Variants in ZC3H12B observed in about 807,000 individuals in gnomAD.
The protein encoded by ZC3H12B is zinc finger CCCH-type containing 12B.
In ZC3H12B, 7 loss-of-function variants were observed where a neutral mutation model predicts 43.9. That is an observed-to-expected ratio of 0.16 (90% CI 0.09 to 0.30). The LOEUF (loss-of-function observed/expected upper bound fraction) is 0.30. Ranked by LOEUF, ZC3H12B falls within the 10% of genes least tolerant of loss-of-function variation. The pLI is 1.00. For synonymous variants in ZC3H12B, 222 were observed against 241.7 expected (o/e 0.92, Z 0.76); for missense variants, 475 against 670.2 (o/e 0.71, Z 3.22).
chrX:65,077,543 C>T, the ZC3H12B span, among the ~76,000 whole-genome samples: 21 of 111,812 alleles, frequency 1.9e-4, no homozygotes, highest in Non-Finnish European at 3.4e-4. Flanking sequence ...CAGATCAGCT[C>T]ACCTGTTGAT....
At chrX:65,391,701 G>A (rs943127532) in intron 2 of ZC3H12B, among the ~76,000 whole-genome samples, 3 of 111,080 alleles carry the variant, frequency 2.7e-5, no homozygotes, top group African/African-American at 9.8e-5. Flanking sequence ...TGCTGAAAAA[G>A]CATTTGATAA....
chrX:65,361,752 AG>A (rs1156488901), upstream of ZC3H12B, among the ~76,000 whole-genome samples: 1 of 110,817 alleles, frequency 9.0e-6, no homozygotes, highest in Non-Finnish European at 1.9e-5. Flanking sequence ...CATTAAAAAA[AG>A]CTCCAAAAAT....
At chrX:65,283,860 G>T in the ZC3H12B span, among the ~76,000 whole-genome samples, 1 of 111,662 alleles carries the variant, frequency 9.0e-6, no homozygotes, top group Non-Finnish European at 1.9e-5. Context: ...CTACAGCCAG[G>T]GTCAGGAAGT....
chrX:65,495,576 A>G (rs1280396554), intron 1 of ZC3H12B, among the ~76,000 whole-genome samples: 1 of 112,149 alleles, frequency 8.9e-6, no homozygotes, highest in Non-Finnish European at 1.9e-5. Context: ...TAGAATTGGT[A>G]CGTGTATGCC....
chrX:65,500,765 T>C (rs2068355452), intron 4 of ZC3H12B, among the ~76,000 whole-genome samples: 1 of 109,214 alleles, frequency 9.2e-6, no homozygotes, highest in African/African-American at 3.3e-5. Flanking sequence ...TAAATAAATA[T>C]AGTTTTCTAG....
chrX:65,424,747 G>C (rs905787661), intron 3 of ZC3H12B, among the ~76,000 whole-genome samples: 1 of 110,816 alleles, frequency 9.0e-6, no homozygotes, highest in African/African-American at 3.3e-5. Context: ...TGCTTTTTTT[G>C]TCAGGTTTGT....
intron 3 of ZC3H12B, among the ~76,000 whole-genome samples, chrX:65,430,442 C>A (rs768324613): frequency 7.4e-4 from 79 of 106,679 alleles, no homozygotes; most frequent in Non-Finnish European, 1.3e-3. Context: ...GTGCTGCACC[C>A]GTTAACTCGT....
chrX:65,209,621 G>C, the ZC3H12B span, among the ~76,000 whole-genome samples: 13 of 108,722 alleles, frequency 1.2e-4, no homozygotes, highest in East Asian at 5.8e-4. Flanking sequence ...TTTTGGAATA[G>C]GTGTGGTGTG....
chrX:65,124,037 G>A, the ZC3H12B span, among the ~76,000 whole-genome samples: 1 of 111,064 alleles, frequency 9.0e-6, no homozygotes, highest in Non-Finnish European at 1.9e-5. Context: ...TTGAATAGAA[G>A]TGGTTAAAGT....
chrX:65,298,149 G>A, the ZC3H12B span, among the ~76,000 whole-genome samples: 4 of 111,574 alleles, frequency 3.6e-5, no homozygotes, highest in East Asian at 1.1e-3. Flanking sequence ...ATAAATAGGT[G>A]GGACTTAATT....
the ZC3H12B span, among the ~76,000 whole-genome samples, chrX:65,064,686 C>T: frequency 3.6e-5 from 4 of 111,385 alleles, no homozygotes; most frequent in Non-Finnish European, 7.5e-5. Flanking sequence ...AGTTCAAGTC[C>T]GAAATCTCCT....
At chrX:65,166,868 C>T in the ZC3H12B span, among the ~76,000 whole-genome samples, 87 of 111,167 alleles carry the variant, frequency 7.8e-4, no homozygotes, top group Middle Eastern at 0.014. Context: ...TCATGTCTTT[C>T]GCCCACTTTT....
the ZC3H12B span, among the ~76,000 whole-genome samples, chrX:65,254,130 C>T: frequency 8.9e-6 from 1 of 112,111 alleles, no homozygotes; most frequent in African/African-American, 3.2e-5. Flanking sequence ...CAGTGCTTGC[C>T]AGCACTCCAC....
At chrX:65,212,490 A>G in the ZC3H12B span, among the ~76,000 whole-genome samples, 661 of 68,999 alleles carry the variant, frequency 9.6e-3, 12 homozygotes, top group African/African-American at 0.039. Context: ...AATATATATT[A>G]TATAATATAC....
At chrX:65,291,244 G>A in the ZC3H12B span, among the ~76,000 whole-genome samples, 5 of 110,820 alleles carry the variant, frequency 4.5e-5, no homozygotes, top group Admixed American at 9.6e-5. Context: ...GAAATTCCCC[G>A]ACACAGTAAA....
intron 3 of ZC3H12B, among the ~76,000 whole-genome samples, chrX:65,453,564 AT>A (rs2067555482): frequency 1.9e-5 from 2 of 105,446 alleles, no homozygotes; most frequent in African/African-American, 6.9e-5. Flanking sequence ...CTACCAAAAA[AT>A]ACAAAAATCA....
intron 2 of ZC3H12B, among the ~76,000 whole-genome samples, 166 bp downstream of exon 4, chrX:65,369,164 C>A (rs1271675777): frequency 1.8e-5 from 2 of 111,553 alleles, no homozygotes; most frequent in Non-Finnish European, 3.8e-5. Context: ...AAAATCTGAA[C>A]AACTCAGTTA....
intron 2 of ZC3H12B, among the ~76,000 whole-genome samples, chrX:65,386,431 C>A (rs752799702): frequency 8.1e-5 from 9 of 111,618 alleles, no homozygotes; most frequent in African/African-American, 2.9e-4. Context: ...AGTTTGTTTG[C>A]GTAGAGGTGT....
At chrX:65,354,346 C>T in the ZC3H12B span, among the ~76,000 whole-genome samples, 1 of 112,042 alleles carries the variant, frequency 8.9e-6, no homozygotes, top group Non-Finnish European at 1.9e-5. Flanking sequence ...CAGCAAACTC[C>T]AGCAGACCTG....
Sources: gnomAD v4.1 joint callset for allele counts (sites outside exome capture counted in the v4.1 genomes callset) on GRCh38, gnomAD v4.1.1 for gene constraint, MANE v1.5 for transcripts, NCBI Gene and HGNC (gene_info 2026-07-23, HGNC 2026-07-21) for gene names.